DUSP14: variants seen among roughly 807,000 people sequenced by gnomAD.
DUSP14 encodes dual specificity protein phosphatase 14.
In DUSP14, 5 loss-of-function variants were observed where a neutral mutation model predicts 13.2. The observed-to-expected ratio is 0.38, with a 90% CI of 0.20 to 0.80. The LOEUF is 0.80. Among genes scored for constraint, DUSP14 ranks in the 30% least tolerant of loss-of-function variants. DUSP14 has a pLI of 0.44. For missense variants in DUSP14, 185 were observed against 264.0 expected (o/e 0.70, Z 2.07); for synonymous variants, 91 against 103.4 (o/e 0.88, Z 0.73).
intron 1 of DUSP14, among the ~76,000 whole-genome samples, chr17:37,493,962 T>C (rs190377820): frequency 2.0e-5 from 3 of 152,102 alleles, no homozygotes; most frequent in Admixed American, 6.5e-5. Context: ...AACCACAGAC[T>C]CTGTGCTACA....
intron 1 of DUSP14, among the ~76,000 whole-genome samples, chr17:37,505,799 G>T (rs567155004): frequency 1.3e-5 from 2 of 152,130 alleles, no homozygotes; most frequent in African/African-American, 4.8e-5. Context: ...GCTGATGCCC[G>T]CATCCCAGGA....
At chr17:37,500,910 C>A (rs879217934) in intron 1 of DUSP14, among the ~76,000 whole-genome samples, 9 of 152,180 alleles carry the variant, frequency 5.9e-5, no homozygotes, top group Admixed American at 1.3e-4. Context: ...TGTTCCTTAA[C>A]TCCTTTCTTG....
chr17:37,500,997 G>A (rs764920458), intron 1 of DUSP14, among the ~76,000 whole-genome samples: 4 of 146,970 alleles, frequency 2.7e-5, no homozygotes, highest in Non-Finnish European at 6.0e-5. Flanking sequence ...TGGATCCATT[G>A]TGGTCCAATT....
intron 1 of DUSP14, among the ~76,000 whole-genome samples, chr17:37,504,577 T>C (rs2054125621): frequency 6.6e-6 from 1 of 152,162 alleles, no homozygotes; most frequent in Non-Finnish European, 1.5e-5. Flanking sequence ...TTTGTGAATA[T>C]CTTTTACTTC....
chr17:37,493,854 A>G (rs2054045289), intron 1 of DUSP14, among the ~76,000 whole-genome samples: 1 of 152,022 alleles, frequency 6.6e-6, no homozygotes, highest in Non-Finnish European at 1.5e-5. Context: ...GTGTGCAGGA[A>G]CCCAGGCCTA....
chr17:37,507,297 T>C (rs1568203744), intron 1 of DUSP14, among the ~76,000 whole-genome samples: 2 of 152,308 alleles, frequency 1.3e-5, no homozygotes, highest in East Asian at 1.9e-4. Context: ...GAGGGAGCAA[T>C]GTGTCTGTCT....
chr17:37,496,216 T>G (rs367956105), intron 1 of DUSP14, among the ~76,000 whole-genome samples: 30 of 152,336 alleles, frequency 2.0e-4, no homozygotes, highest in East Asian at 1.9e-3. Context: ...ACTGGCAGGC[T>G]CAGGCCAGAA....
intron 1 of DUSP14, among the ~76,000 whole-genome samples, chr17:37,497,898 T>G (rs1177091648): frequency 6.6e-6 from 1 of 151,862 alleles, no homozygotes; most frequent in African/African-American, 2.4e-5. Flanking sequence ...TACAAAAAAT[T>G]AGCCAGGCAT....
intron 2 of DUSP14, among the ~76,000 whole-genome samples, chr17:37,511,938 C>CATTTTTTTTTT (rs1568206074): frequency 2.6e-5 from 1 of 38,248 alleles, no homozygotes; most frequent in East Asian, 9.4e-4. Flanking sequence ...CCCCACCCCA[C>CATTTTTTTTTT]TTTTTTTTTT....
At chr17:37,504,257 C>G (rs557961955) in intron 1 of DUSP14, among the ~76,000 whole-genome samples, 1 of 152,302 alleles carries the variant, frequency 6.6e-6, no homozygotes, top group East Asian at 1.9e-4. Context: ...TGAACAGGCG[C>G]TGGTCCATCT....
intron 1 of DUSP14, among the ~76,000 whole-genome samples, chr17:37,505,295 G>A (rs1311432800): frequency 6.6e-6 from 1 of 152,188 alleles, no homozygotes; most frequent in Non-Finnish European, 1.5e-5. Context: ...TTGAGCCTGG[G>A]AGATCAAGGC....
chr17:37,512,527 C>T lies in DUSP14; in HGVS notation c.255C>T (p.Pro85=). The change falls in exon 3 of 3, where the codon CCC becomes CCT. Residue 85 remains proline, a synonymous_variant. Transcript: ENST00000617516. This position sits in a 1 kb window ranked among gnomAD's most constrained non-coding sequence, Gnocchi z 4.8. ...KVPLADMPHA[P]IGLYFDTVAD... Reference sequence around the variant, plus strand: ...CTCTGGCTGACATGCCGCATGCCCCCATTGGACTGTACTTTGACACCGTGG... The same window carrying T: ...CTCTGGCTGACATGCCGCATGCCCCTATTGGACTGTACTTTGACACCGTGG... The T allele has an allele frequency of 6.2e-7, 1 of 1,614,206 alleles. No individual in the cohort carries two copies. Among genetic ancestry groups the T allele is most frequent in the Non-Finnish European group, 8.5e-7 (1 of 1,180,036 alleles).
Position 37,512,249 on chromosome 17 carries a change from G to C in DUSP14, c.-24G>C. 1 of 1,566,166 alleles carries C rather than the reference G, an allele frequency of 6.4e-7. No homozygotes were observed. Among genetic ancestry groups the C allele is most frequent in the Non-Finnish European group, 8.7e-7 (1 of 1,153,684 alleles). On this transcript the variant is annotated 5_prime_UTR_variant, in exon 3 of 3. The change abolishes an upstream ATG in the 5' untranslated region. Transcript: ENST00000617516. The surrounding 1 kb of genome is among the most constrained non-coding windows in gnomAD (Gnocchi z 4.8). ...ACACTCTGGTCTTGCCGCCAACGATGCAAGTGTGACTGCTGGCGTCTTCAT... is the reference window on the plus strand; with the variant it reads ...ACACTCTGGTCTTGCCGCCAACGATCCAAGTGTGACTGCTGGCGTCTTCAT...
intron 2 of DUSP14, among the ~76,000 whole-genome samples, chr17:37,511,937 A>AGTTTTTTTTTGTTTTT (rs1329764853): frequency 4.9e-4 from 8 of 16,442 alleles, no homozygotes; most frequent in African/African-American, 1.7e-3. Context: ...CCCCCACCCC[A>AGTTTTTTTTTGTTTTT]CTTTTTTTTT....
chr17:37,498,703 C>T (rs1187550952), intron 1 of DUSP14, among the ~76,000 whole-genome samples: 1 of 149,082 alleles, frequency 6.7e-6, no homozygotes, highest in Admixed American at 6.7e-5. Context: ...AAAAATTACA[C>T]TTACGGAGTT....
intron 1 of DUSP14, among the ~76,000 whole-genome samples, chr17:37,493,670 A>G (rs1400665734): frequency 1.4e-5 from 2 of 145,458 alleles, no homozygotes; most frequent in Admixed American, 6.9e-5. Flanking sequence ...CCTTTCATCA[A>G]TCTTTTTTTT....
At position 37,509,129 on chromosome 17, in the gene DUSP14, A is replaced by ATATATATATATATG. The variant is rs2054159086; in HGVS notation, c.-180-1548_-180-1547insTATATATATATATG. On this transcript the variant is annotated intron_variant, in intron 1 of 2. Coordinates refer to ENST00000617516, the MANE Select transcript of DUSP14 (RefSeq NM_007026.4). ...CATATATATATATATATATATATAT[A>ATATATATATATATG]CACACACACACACACACACACACAC... Among the ~76,000 whole-genome samples the ATATATATATATATG allele has an allele frequency of 9.5e-4, 22 of 23,184 alleles. 3 individuals carry two copies. Among genetic ancestry groups the ATATATATATATATG allele is most frequent in the African/African-American group, 4.6e-3 (19 of 4,098 alleles). The allele number at this position is 23,184 out of a possible 152,430, so 15.2% of individuals were successfully genotyped here.
intron 1 of DUSP14, among the ~76,000 whole-genome samples, chr17:37,498,676 G>GTTT (rs58904773): frequency 0.17 from 24,971 of 145,404 alleles, 2,317 homozygotes; most frequent in Admixed American, 0.31. Context: ...AAAGTAATCA[G>GTTT]TTTTTTTTTT....
intron 1 of DUSP14, among the ~76,000 whole-genome samples, chr17:37,494,112 G>A (rs1165313221): frequency 6.6e-6 from 1 of 151,302 alleles, no homozygotes; most frequent in African/African-American, 2.4e-5. Flanking sequence ...TCCTGCCTCA[G>A]CCTCCCTAGT....
Sources: allele counts gnomAD v4.1 joint callset (sites outside exome capture counted in the v4.1 genomes callset), GRCh38; gene constraint gnomAD v4.1.1; non-coding constraint Gnocchi (gnomAD v3.1); transcripts MANE v1.5; gene names NCBI Gene and HGNC (gene_info 2026-07-23, HGNC 2026-07-21).